The following DOCK4 variants were observed in gnomAD, a reference collection of about 807,000 sequenced individuals.
The protein encoded by DOCK4 is dedicator of cytokinesis 4.
DOCK4 carries 97 observed loss-of-function variants against 268.1 expected under a neutral mutation model. The observed-to-expected ratio is 0.36, with a 90% CI of 0.31 to 0.43. DOCK4 has a LOEUF of 0.43. Among genes scored for constraint, DOCK4 ranks in the 20% least tolerant of loss-of-function variants. The pLI, the probability that DOCK4 is intolerant of heterozygous loss-of-function variation, is 1.00. For missense variants in DOCK4, 2,145 were observed against 2,455.7 expected (o/e 0.87, Z 2.67); for synonymous variants, 954 against 887.2 (o/e 1.08, Z -1.34).
chr7:111,759,429 CT>C (rs2133581673), intron 40 of DOCK4, among the ~76,000 whole-genome samples: 1 of 152,262 alleles, frequency 6.6e-6, no homozygotes, highest in African/African-American at 2.4e-5. Flanking sequence ...TTACCTCCTT[CT>C]CTTCTTATTT....
intron 1 of DOCK4, among the ~76,000 whole-genome samples, chr7:112,145,161 G>C (rs1404314562): frequency 1.3e-5 from 2 of 152,118 alleles, no homozygotes; most frequent in Admixed American, 1.3e-4. Flanking sequence ...AGGTTAGCAA[G>C]CATCAGGCAA....
At chr7:111,781,930 G>A (rs1053559880) in intron 35 of DOCK4, among the ~76,000 whole-genome samples, 4 of 152,214 alleles carry the variant, frequency 2.6e-5, no homozygotes, top group Admixed American at 6.5e-5. Context: ...CAAATGATCA[G>A]AGTAAGGATA....
At chr7:112,205,802 C>T (rs963955996) in intron 1 of DOCK4, among the ~76,000 whole-genome samples, 1 of 152,160 alleles carries the variant, frequency 6.6e-6, no homozygotes, top group Non-Finnish European at 1.5e-5. Context: ...CACACACGCC[C>T]AGTCGCCACT....
At chr7:112,032,817 G>C (rs917712634) in intron 1 of DOCK4, among the ~76,000 whole-genome samples, 4 of 151,858 alleles carry the variant, frequency 2.6e-5, no homozygotes, top group Non-Finnish European at 5.9e-5. Context: ...CTTGGAATTA[G>C]CATTTAAGCA....
In DOCK4 at chr7:112,061,263, C is replaced by T. The variant is rs73434632; in HGVS notation, c.38-57132G>A. ...ACACAGAAGTGACTATTGCCCCCCA[C>T]TGCAAATAGCCTCATCCTGTCCCGG... On this transcript the variant is annotated intron_variant, in intron 1 of 52. Transcript: ENST00000428084. Among the ~76,000 whole-genome samples, 442 of 152,308 alleles carry T rather than the reference C, an allele frequency of 2.9e-3. 1 individual carries two copies. Among genetic ancestry groups the T allele is most frequent in the African/African-American group, 0.01 (422 of 41,562 alleles).
chr7:111,766,905 A>G (rs1406085847), intron 38 of DOCK4, 127 bp downstream of exon 38: 9 of 662,696 alleles, frequency 1.4e-5, no homozygotes, highest in Non-Finnish European at 2.4e-5. Context: ...ATAGCTAAGT[A>G]TGCTTCAGAG....
intron 11 of DOCK4, among the ~76,000 whole-genome samples, chr7:111,938,204 A>T (rs73428866): frequency 0.12 from 17,986 of 152,220 alleles, 1,474 homozygotes; most frequent in East Asian, 0.36. Context: ...GAAGAGAGTT[A>T]CCGGTCCTAA....
chr7:112,033,014 A>T (rs549403865), intron 1 of DOCK4, among the ~76,000 whole-genome samples: 1 of 152,224 alleles, frequency 6.6e-6, no homozygotes, highest in Admixed American at 6.5e-5. Flanking sequence ...TCTGACTTCA[A>T]TCACTAAATA....
chr7:112,188,863 T>C (rs1819681979), intron 1 of DOCK4, among the ~76,000 whole-genome samples: 1 of 152,212 alleles, frequency 6.6e-6, no homozygotes, highest in Non-Finnish European at 1.5e-5. Context: ...CTAAACTTAT[T>C]TTATCTTTCT....
intron 12 of DOCK4, among the ~76,000 whole-genome samples, chr7:111,924,242 T>A (rs947671664): frequency 1.3e-5 from 2 of 152,262 alleles, no homozygotes; most frequent in Non-Finnish European, 2.9e-5. Context: ...TATCATTTTA[T>A]CACAATTCAT....
chr7:112,203,114 C>T (rs1052185889), intron 1 of DOCK4, among the ~76,000 whole-genome samples: 12 of 152,176 alleles, frequency 7.9e-5, no homozygotes, highest in African/African-American at 2.9e-4. Context: ...AACACTTGCC[C>T]CAGACGCTGG....
At chr7:111,778,227 G>C in intron 36 of DOCK4, 49 bp downstream of exon 36, 1 of 1,306,026 alleles carries the variant, frequency 7.7e-7, no homozygotes, top group Non-Finnish European at 1.1e-6. Flanking sequence ...GAATGATCAT[G>C]ATTAATACAT....
intron 1 of DOCK4, among the ~76,000 whole-genome samples, chr7:112,165,559 T>TGTGTGC (rs59052406): frequency 0.053 from 7,865 of 148,166 alleles, 322 homozygotes; most frequent in South Asian, 0.11. Flanking sequence ...TGTGTGTGTG[T>TGTGTGC]GCGTGTGTGT....
At chr7:111,743,888 T>G (rs1322647842) in intron 44 of DOCK4, among the ~76,000 whole-genome samples, 1 of 152,212 alleles carries the variant, frequency 6.6e-6, no homozygotes, top group Non-Finnish European at 1.5e-5. Context: ...GGTGTGATCA[T>G]AGCTCACTGC....
At chr7:111,854,821 A>G (rs902000102) in intron 23 of DOCK4, among the ~76,000 whole-genome samples, 1 of 152,248 alleles carries the variant, frequency 6.6e-6, no homozygotes, top group African/African-American at 2.4e-5. Context: ...GATCAAGGCA[A>G]ATAAAGTCCC....
chr7:112,040,726 G>A (rs1024180769), intron 1 of DOCK4, among the ~76,000 whole-genome samples: 1 of 152,126 alleles, frequency 6.6e-6, no homozygotes, highest in East Asian at 1.9e-4. Flanking sequence ...CAATAAATAG[G>A]TAGATGCTAA....
intron 1 of DOCK4, among the ~76,000 whole-genome samples, chr7:112,094,109 C>T (rs1024981610): frequency 1.3e-5 from 2 of 151,864 alleles, no homozygotes; most frequent in East Asian, 1.9e-4. Context: ...GCACATCATG[C>T]TATCTTTGTC....
chr7:111,802,350 A>G (rs1207771827), intron 30 of DOCK4, among the ~76,000 whole-genome samples: 1 of 152,166 alleles, frequency 6.6e-6, no homozygotes, highest in African/African-American at 2.4e-5. Context: ...GCCTCATGAG[A>G]TGGCTGCAGG....
At position 111,727,303 on chromosome 7, in the gene DOCK4, C is replaced by T. The variant is rs1794708846; in HGVS notation, c.*971G>A. 6.6e-6 allele frequency: 1 copy of T among 152,436 alleles called. No homozygotes were observed. Among genetic ancestry groups the T allele is most frequent in the South Asian group, 2.1e-4 (1 of 4,818 alleles). 9.4% of individuals were successfully genotyped at this position (152,436 alleles called of 1,614,324 possible). Reference sequence around the variant, plus strand: ...TTTGTGCAGGACTGAAAGTTAATGCCCTTGCCTTTTATAAGTCCTTTTGCC... The same window carrying T: ...TTTGTGCAGGACTGAAAGTTAATGCTCTTGCCTTTTATAAGTCCTTTTGCC... On this transcript the variant is annotated 3_prime_UTR_variant, in exon 53 of 53. Transcript: ENST00000428084.
Sources: allele counts gnomAD v4.1 joint callset (sites outside exome capture counted in the v4.1 genomes callset), GRCh38; gene constraint gnomAD v4.1.1; transcripts MANE v1.5; gene names NCBI Gene and HGNC (gene_info 2026-07-23, HGNC 2026-07-21).